The following MAP2K6 variants were observed in gnomAD, a reference collection of about 807,000 sequenced individuals.
MAP2K6 encodes dual specificity mitogen-activated protein kinase kinase 6.
MAP2K6 carries 16 observed loss-of-function variants against 53.7 expected under a neutral mutation model. The ratio of observed to expected loss-of-function variants is 0.30; its 90% confidence interval spans 0.20 to 0.45. The LOEUF (loss-of-function observed/expected upper bound fraction) is 0.45, where lower values mean the gene tolerates loss of function less well. MAP2K6 is among the 20% of genes least tolerant of loss of function. The probability of loss-of-function intolerance (pLI) is 1.00; values close to 1 mark genes in which losing one functional copy is unlikely to be tolerated. For synonymous variants in MAP2K6, 132 were observed against 143.1 expected (o/e 0.92, Z 0.55); for missense variants, 204 against 411.9 (o/e 0.50, Z 4.37).
In MAP2K6 at chr17:69,519,427, C is replaced by T. The variant is rs779399972; in HGVS notation, c.361C>T (p.Arg121Trp). ...TGTCACCTTTTATGGCGCACTGTTTCGGGAGGTAGGTGACCCTTCAATTCA... is the reference window on the plus strand; with the variant it reads ...TGTCACCTTTTATGGCGCACTGTTTTGGGAGGTAGGTGACCCTTCAATTCA... ...FTVTFYGALFREGDVWICMEL... is the reference protein window; with the variant it reads ...FTVTFYGALFWEGDVWICMEL... Residue 121 changes from arginine (R) to tryptophan (W), a missense_variant, in exon 5 of 12, where the codon CGG (arginine) becomes TGG (tryptophan). By Grantham distance (101) the Arg-to-Trp change is moderately radical. Around this residue, in one of 3 missense-constraint regions of MAP2K6, gnomAD observed 129 missense variants for 247.1 expected, o/e 0.52. Coordinates refer to ENST00000590474, the MANE Select transcript of MAP2K6 (RefSeq NM_002758.4). 2 of 1,614,036 alleles carry T rather than the reference C, an allele frequency of 1.2e-6. No homozygotes were observed. Among genetic ancestry groups the T allele is most frequent in the Non-Finnish European group, 1.7e-6 (2 of 1,179,950 alleles).
At chr17:69,495,482 C>T (rs1223748259) in intron 1 of MAP2K6, among the ~76,000 whole-genome samples, 2 of 151,968 alleles carry the variant, frequency 1.3e-5, no homozygotes, top group South Asian at 2.1e-4. Context: ...GTGATCCACT[C>T]GCCTCAGCCT....
At chr17:69,474,824 C>T (rs1162826285) in intron 1 of MAP2K6, among the ~76,000 whole-genome samples, 4 of 152,198 alleles carry the variant, frequency 2.6e-5, no homozygotes, top group Non-Finnish European at 5.9e-5. Flanking sequence ...TTCTTTATGG[C>T]GGTTTGCACT....
At chr17:69,536,862 C>T (rs905097186) in intron 11 of MAP2K6, among the ~76,000 whole-genome samples, 5 of 151,670 alleles carry the variant, frequency 3.3e-5, no homozygotes, top group East Asian at 1.9e-4. Flanking sequence ...GGGCAGATTG[C>T]TTGAGCCCAG....
At chr17:69,487,573 T>G (rs183099875) in intron 1 of MAP2K6, among the ~76,000 whole-genome samples, 2 of 152,362 alleles carry the variant, frequency 1.3e-5, no homozygotes, top group Non-Finnish European at 2.9e-5. Flanking sequence ...TTTGCTCCTT[T>G]AATGCCACCA....
At chr17:69,532,266 G>A (rs962694397) in intron 10 of MAP2K6, among the ~76,000 whole-genome samples, 2 of 152,172 alleles carry the variant, frequency 1.3e-5, no homozygotes, top group African/African-American at 4.8e-5. Context: ...CTTGAAACGC[G>A]CAATGTGTTT....
Position 69,495,098 on chromosome 17 carries a change from TAAA to T in MAP2K6, c.17-10667_17-10665del, listed in dbSNP as rs33953795. ...AAAAAAAGAATCCATTACTTCCACATAAAAAAAAAAAAAAAAACAACAAATTCA... is the reference window on the plus strand; with the variant it reads ...AAAAAAAGAATCCATTACTTCCACATAAAAAAAAAAAAAACAACAAATTCA... On this transcript the variant is annotated intron_variant, in intron 1 of 11. Transcript: ENST00000590474. 4.0e-3 allele frequency among the ~76,000 whole-genome samples: 543 copies of T among 136,224 alleles called. 4 individuals are homozygous for T. The highest frequency in any genetic ancestry group is 0.014 in the African/African-American group (507 of 37,546). The allele number at this position is 136,224 out of a possible 152,430, so 89.4% of individuals were successfully genotyped here.
At chr17:69,500,481 C>G (rs2521347) in intron 1 of MAP2K6, among the ~76,000 whole-genome samples, 86,572 of 135,746 alleles carry the variant, frequency 0.64, 28,262 homozygotes, top group Middle Eastern at 0.74. Flanking sequence ...AAAAGGCCGG[C>G]CATGGTGGCT....
Position 69,538,932 on chromosome 17 carries a change from TA to T in MAP2K6, c.928-2734del, listed in dbSNP as rs369645040. Among the ~76,000 whole-genome samples the T allele has an allele frequency of 5.0e-3, 748 of 149,422 alleles. 2 individuals carry two copies. Among genetic ancestry groups the T allele is most frequent in the African/African-American group, 0.015 (618 of 40,966 alleles). On this transcript the variant is annotated intron_variant, in intron 11 of 11. Transcript: ENST00000590474. Reference sequence around the variant, plus strand: ...GTGAAAGCAGCCATATCCGATGTGTTAAAAAAAAAATGGGGTGTGTGTGGCT... The same window carrying T: ...GTGAAAGCAGCCATATCCGATGTGTTAAAAAAAAATGGGGTGTGTGTGGCT...
chr17:69,427,303 A>G (rs1304306328), intron 1 of MAP2K6, among the ~76,000 whole-genome samples: 1 of 152,154 alleles, frequency 6.6e-6, no homozygotes, highest in Non-Finnish European at 1.5e-5. Context: ...AGTTCTTCGT[A>G]TTACCAAATT....
At chr17:69,416,197 A>G (rs1400175643) in intron 1 of MAP2K6, among the ~76,000 whole-genome samples, 3 of 152,186 alleles carry the variant, frequency 2.0e-5, no homozygotes, top group Admixed American at 6.5e-5. Context: ...CTTTTTTGGG[A>G]GGGAGTGTGG....
intron 1 of MAP2K6, among the ~76,000 whole-genome samples, chr17:69,495,438 G>A (rs1908911649): frequency 6.6e-6 from 1 of 151,950 alleles, no homozygotes; most frequent in African/African-American, 2.4e-5. Flanking sequence ...GTTTCACCAT[G>A]TTGGCCAGGG....
intron 1 of MAP2K6, among the ~76,000 whole-genome samples, chr17:69,438,772 A>G (rs922600494): frequency 2.0e-5 from 3 of 152,030 alleles, no homozygotes; most frequent in Non-Finnish European, 4.4e-5. Context: ...TTTTGTAGAA[A>G]TGGGGTCTTA....
chr17:69,456,296 G>A (rs535183462), intron 1 of MAP2K6, among the ~76,000 whole-genome samples: 62 of 152,222 alleles, frequency 4.1e-4, no homozygotes, highest in African/African-American at 1.3e-3. Flanking sequence ...CCTCTTTGGC[G>A]GAAAATAACA....
intron 10 of MAP2K6, among the ~76,000 whole-genome samples, chr17:69,527,635 G>T (rs1910843106): frequency 6.6e-6 from 1 of 152,202 alleles, no homozygotes; most frequent in African/African-American, 2.4e-5. Flanking sequence ...TGGCCATCCG[G>T]GAGAAGTAGA....
intron 2 of MAP2K6, among the ~76,000 whole-genome samples, chr17:69,508,648 A>G (rs1317904685): frequency 2.6e-5 from 4 of 152,238 alleles, no homozygotes; most frequent in South Asian, 2.1e-4. Flanking sequence ...AGTTTGTTCA[A>G]CTTATCAATT....
intron 1 of MAP2K6, among the ~76,000 whole-genome samples, chr17:69,489,220 CAAAAA>C (rs58968517): frequency 3.2e-5 from 2 of 62,640 alleles, no homozygotes; most frequent in African/African-American, 6.4e-5. Flanking sequence ...AACTCTGTCT[CAAAAA>C]AAAAAAAAAA....
At chr17:69,449,920 CTCTT>C (rs1907153526) in intron 1 of MAP2K6, among the ~76,000 whole-genome samples, 1 of 150,094 alleles carries the variant, frequency 6.7e-6, no homozygotes, top group African/African-American at 2.5e-5. Flanking sequence ...GCCTCTTTCT[CTCTT>C]TCTCTCTTTC....
At chr17:69,444,563 A>G (rs994141997) in intron 1 of MAP2K6, among the ~76,000 whole-genome samples, 4 of 152,164 alleles carry the variant, frequency 2.6e-5, no homozygotes, top group African/African-American at 9.7e-5. Context: ...ACTGCTGCCA[A>G]TAAAGCCTCC....
intron 1 of MAP2K6, among the ~76,000 whole-genome samples, chr17:69,480,246 C>G (rs887655182): frequency 6.6e-5 from 10 of 152,170 alleles, no homozygotes; most frequent in African/African-American, 2.4e-4. Flanking sequence ...AACTTTCGTT[C>G]CCCAGCACAT....
Sources: allele counts gnomAD v4.1 joint callset (sites outside exome capture counted in the v4.1 genomes callset), GRCh38; gene constraint gnomAD v4.1.1; regional missense constraint gnomAD v4.1.1; transcripts MANE v1.5; gene names NCBI Gene and HGNC (gene_info 2026-07-23, HGNC 2026-07-21).